Variants in MARCHF1 observed in about 807,000 individuals in gnomAD.
MARCHF1 encodes the protein membrane associated ring-CH-type finger 1, also known as E3 ubiquitin-protein ligase MARCHF1.
In MARCHF1, 40 loss-of-function variants were observed where a neutral mutation model predicts 54.2. The ratio of observed to expected loss-of-function variants is 0.74; its 90% CI spans 0.57 to 0.96. The LOEUF is 0.96. Among genes scored for constraint, MARCHF1 ranks in the 40% least tolerant of loss-of-function variants. The probability of loss-of-function intolerance (pLI) is 0.00; values close to 1 mark genes in which losing one functional copy is unlikely to be tolerated. For synonymous variants in MARCHF1, 236 were observed against 236.3 expected, an observed-to-expected ratio of 1.00 and a Z score of 0.01; for missense variants, 586 against 656.5, an observed-to-expected ratio of 0.89 and a Z score of 1.17.
intron 1 of MARCHF1, among the ~76,000 whole-genome samples, chr4:164,112,766 C>G (rs1054650435): frequency 4.6e-5 from 7 of 151,716 alleles, no homozygotes; most frequent in African/African-American, 1.2e-4. Flanking sequence ...AGAGAAACAA[C>G]AAAAACAACA....
At chr4:164,307,561 A>T (rs1734729668) in intron 1 of MARCHF1, among the ~76,000 whole-genome samples, 1 of 152,204 alleles carries the variant, frequency 6.6e-6, no homozygotes, top group African/African-American at 2.4e-5. Flanking sequence ...CCTGGGCAAA[A>T]GGAAGAGAAA....
At chr4:164,259,648 G>T (rs940821350) in intron 1 of MARCHF1, among the ~76,000 whole-genome samples, 8 of 151,738 alleles carry the variant, frequency 5.3e-5, no homozygotes, top group Admixed American at 2.0e-4. Context: ...CAGTTCAGCA[G>T]TTTATACTAT....
chr4:163,824,650 T>G (rs369523185), intron 4 of MARCHF1, among the ~76,000 whole-genome samples: 3,195 of 83,806 alleles, frequency 0.038, 87 homozygotes, highest in East Asian at 0.11. Flanking sequence ...GGGATCTAAT[T>G]AAACTAAAGA....
chr4:163,902,186 C>T (rs1476296617), intron 3 of MARCHF1, among the ~76,000 whole-genome samples: 1 of 152,138 alleles, frequency 6.6e-6, no homozygotes, highest in Non-Finnish European at 1.5e-5. Context: ...AACAGATCAC[C>T]ATAGCTAATG....
chr4:164,377,122 C>T (rs1462056663), intron 1 of MARCHF1, among the ~76,000 whole-genome samples: 2 of 152,300 alleles, frequency 1.3e-5, no homozygotes, highest in Non-Finnish European at 2.9e-5. Flanking sequence ...AATATGTTAT[C>T]TGGAATATGT....
chr4:164,204,919 G>A (rs138620617), intron 1 of MARCHF1, among the ~76,000 whole-genome samples: 1 of 152,082 alleles, frequency 6.6e-6, no homozygotes, highest in African/African-American at 2.4e-5. Context: ...GCATTTTGAT[G>A]TCTCTGTACA....
intron 5 of MARCHF1, among the ~76,000 whole-genome samples, chr4:163,618,359 C>T (rs573019674): frequency 2.2e-4 from 33 of 152,148 alleles, no homozygotes; most frequent in Non-Finnish European, 4.1e-4. Context: ...TTAATACGCC[C>T]GAGGACAACT....
At chr4:163,685,136 G>A (rs183244372) in intron 5 of MARCHF1, among the ~76,000 whole-genome samples, 16 of 152,194 alleles carry the variant, frequency 1.1e-4, no homozygotes, top group African/African-American at 3.6e-4. Flanking sequence ...TGGACAGTAG[G>A]TCCTCAACTC....
intron 3 of MARCHF1, among the ~76,000 whole-genome samples, chr4:163,968,121 A>T (rs2110830675): frequency 6.6e-6 from 1 of 152,260 alleles, no homozygotes; most frequent in East Asian, 1.9e-4. Context: ...AAACCCTCTT[A>T]GTTGCTGCAG....
intron 1 of MARCHF1, among the ~76,000 whole-genome samples, chr4:164,250,848 T>A (rs972781872): frequency 6.6e-6 from 1 of 152,116 alleles, no homozygotes; most frequent in East Asian, 1.9e-4. Context: ...ATCAAACCCT[T>A]CAAATCTATC....
chr4:163,805,859 T>C (rs1748212371), intron 4 of MARCHF1, among the ~76,000 whole-genome samples: 1 of 152,226 alleles, frequency 6.6e-6, no homozygotes, highest in Admixed American at 6.5e-5. Context: ...TCTTGTTCTC[T>C]TACCTTTGCC....
chr4:163,985,446 C>T (rs958990073), intron 3 of MARCHF1, among the ~76,000 whole-genome samples: 3 of 151,944 alleles, frequency 2.0e-5, no homozygotes, highest in Non-Finnish European at 4.4e-5. Context: ...CAAAATATGT[C>T]AAAATATATT....
chr4:163,749,317 GT>G (rs1746452470), intron 4 of MARCHF1, among the ~76,000 whole-genome samples: 1 of 149,368 alleles, frequency 6.7e-6, no homozygotes, highest in Non-Finnish European at 1.5e-5. Context: ...TTTTGTTTTT[GT>G]TTTTGTTTTT....
At chr4:164,030,150 G>A (rs954699949) in intron 2 of MARCHF1, among the ~76,000 whole-genome samples, 3 of 150,958 alleles carry the variant, frequency 2.0e-5, no homozygotes, top group African/African-American at 7.3e-5. Flanking sequence ...ATTTACAAAG[G>A]GTTCGTATAT....
rs527503781 is a variant in MARCHF1 at position 164,276,986 on chromosome 4, T to A, written c.-323+106884A>T. Among the ~76,000 whole-genome samples, 19 of 145,292 alleles carry A rather than the reference T, an allele frequency of 1.3e-4. No individual in the cohort carries two copies. The East Asian group carries it at 3.5e-3, about 27-fold the overall frequency. On this transcript the variant is annotated intron_variant, in intron 1 of 9. Coordinates refer to ENST00000514618, the MANE Select transcript of MARCHF1 (RefSeq NM_001394959.1). ...GAGAGAGACAGAGAGAGAGAGAAAA[T>A]ATATGAGGGAGAGAAAGAATCTTTC...
intron 4 of MARCHF1, among the ~76,000 whole-genome samples, chr4:163,745,843 A>T (rs562243786): frequency 0.024 from 3,651 of 152,238 alleles, 143 homozygotes; most frequent in African/African-American, 0.082. Flanking sequence ...ATAGTTTAAA[A>T]AAAAAAAGAG....
chr4:163,962,685 A>T (rs1348759621), intron 3 of MARCHF1, among the ~76,000 whole-genome samples: 1 of 151,966 alleles, frequency 6.6e-6, no homozygotes, highest in Non-Finnish European at 1.5e-5. Context: ...TTAAAACTTT[A>T]GATACCGTAG....
intron 1 of MARCHF1, among the ~76,000 whole-genome samples, chr4:164,168,511 T>A (rs1186133350): frequency 6.6e-6 from 1 of 152,108 alleles, no homozygotes; most frequent in Non-Finnish European, 1.5e-5. Context: ...TATATCTGTG[T>A]GTGTACATAT....
At chr4:163,757,305 G>GAAACTAGGAAAAAACCTAGGAA (rs1457941207) in intron 4 of MARCHF1, among the ~76,000 whole-genome samples, 1 of 152,138 alleles carries the variant, frequency 6.6e-6, no homozygotes, top group African/African-American at 2.4e-5. Context: ...GAAGAACCGT[G>GAAACTAGGAAAAAACCTAGGAA]AAACTAGGAA....
Sources: gnomAD v4.1 joint callset for allele counts (sites outside exome capture counted in the v4.1 genomes callset) on GRCh38, gnomAD v4.1.1 for gene constraint, MANE v1.5 for transcripts, NCBI Gene and HGNC (gene_info 2026-07-23, HGNC 2026-07-21) for gene names.